NCKAP5: variants seen among roughly 807,000 people sequenced by gnomAD.
NCKAP5 encodes NCK associated protein 5.
A neutral mutation model predicts 167.0 loss-of-function variants in NCKAP5; 92 were observed. That is an observed-to-expected ratio of 0.55 (90% CI 0.47 to 0.66). The LOEUF is 0.66. Among genes scored for constraint, NCKAP5 ranks in the 30% least tolerant of loss-of-function variants. NCKAP5 has a pLI of 0.00. For missense variants in NCKAP5, 2,378 were observed against 2,315.0 expected, an observed-to-expected ratio of 1.03 and a Z score of -0.56; for synonymous variants, 891 against 877.4, an observed-to-expected ratio of 1.02 and a Z score of -0.27.
chr2:133,672,139 A>C, the NCKAP5 span, among the ~76,000 whole-genome samples: 2 of 152,310 alleles, frequency 1.3e-5, no homozygotes, highest in South Asian at 4.1e-4. Context: ...TTAAACAGAG[A>C]CCTAAAGGAA....
chr2:133,510,365 T>C (rs1003395267), intron 3 of NCKAP5, among the ~76,000 whole-genome samples: 33 of 148,942 alleles, frequency 2.2e-4, no homozygotes, highest in African/African-American at 7.5e-4. Flanking sequence ...AAACACAAAA[T>C]TGTATATATA....
At chr2:133,281,265 T>G (rs1035458026) in intron 4 of NCKAP5, among the ~76,000 whole-genome samples, 24 of 152,248 alleles carry the variant, frequency 1.6e-4, no homozygotes, top group Non-Finnish European at 8.8e-5. Context: ...ATAACTTTGT[T>G]TATAAAGACA....
At chr2:133,146,289 T>C (rs980013829) in intron 5 of NCKAP5, among the ~76,000 whole-genome samples, 2 of 151,622 alleles carry the variant, frequency 1.3e-5, no homozygotes, top group South Asian at 2.1e-4. Flanking sequence ...GGAAGCAACA[T>C]CTAGATAAAA....
At chr2:133,656,068 T>G in the NCKAP5 span, among the ~76,000 whole-genome samples, 1 of 152,092 alleles carries the variant, frequency 6.6e-6, no homozygotes, top group Non-Finnish European at 1.5e-5. Flanking sequence ...GTTATCTCCC[T>G]CTCCCTGTTC....
intron 3 of NCKAP5, among the ~76,000 whole-genome samples, chr2:133,513,506 G>T (rs1244698526): frequency 6.6e-6 from 1 of 152,234 alleles, no homozygotes; most frequent in East Asian, 1.9e-4. Context: ...AAAAAGAGTG[G>T]ATCTGGAGGG....
intron 6 of NCKAP5, among the ~76,000 whole-genome samples, chr2:133,101,983 A>G (rs1262573857): frequency 6.6e-6 from 1 of 152,206 alleles, no homozygotes; most frequent in Non-Finnish European, 1.5e-5. Flanking sequence ...AAAATTTGGG[A>G]GAAAAAAGGA....
chr2:133,292,094 G>T (rs774107993), intron 4 of NCKAP5, among the ~76,000 whole-genome samples: 8 of 152,094 alleles, frequency 5.3e-5, no homozygotes, highest in Non-Finnish European at 8.8e-5. Flanking sequence ...GATGGGGTTG[G>T]GGGACAGAGG....
intron 6 of NCKAP5, among the ~76,000 whole-genome samples, chr2:133,033,496 C>T (rs749779657): frequency 1.3e-5 from 2 of 152,124 alleles, no homozygotes; most frequent in Non-Finnish European, 2.9e-5. Flanking sequence ...GAAAGCATGA[C>T]CTCACCAAAT....
intron 11 of NCKAP5, among the ~76,000 whole-genome samples, chr2:132,827,890 C>T (rs1687242892): frequency 1.3e-5 from 2 of 152,106 alleles, no homozygotes; most frequent in Non-Finnish European, 1.5e-5. Context: ...TTTTTCAAAG[C>T]CCTTACAAGG....
the NCKAP5 span, among the ~76,000 whole-genome samples, chr2:133,647,031 A>C: frequency 2.6e-5 from 4 of 152,140 alleles, no homozygotes; most frequent in African/African-American, 9.7e-5. Context: ...AAAAAATTGT[A>C]ACAAAACACA....
chr2:133,467,393 G>A (rs1315344095), intron 3 of NCKAP5, among the ~76,000 whole-genome samples: 1 of 152,188 alleles, frequency 6.6e-6, no homozygotes, highest in Admixed American at 6.5e-5. Context: ...TTTTTGATGT[G>A]CAGCTGGATT....
intron 4 of NCKAP5, among the ~76,000 whole-genome samples, chr2:133,252,830 T>C (rs1296327905): frequency 6.6e-6 from 1 of 152,220 alleles, no homozygotes; most frequent in African/African-American, 2.4e-5. Context: ...CATGACTTAC[T>C]TGCAACTGGC....
intron 8 of NCKAP5, among the ~76,000 whole-genome samples, chr2:132,905,361 G>A (rs75473700): frequency 0.011 from 1,632 of 152,206 alleles, 34 homozygotes; most frequent in African/African-American, 0.036. Flanking sequence ...ATTACTGTAA[G>A]TTCACATCGT....
At chr2:133,672,156 A>G in the NCKAP5 span, among the ~76,000 whole-genome samples, 8 of 152,246 alleles carry the variant, frequency 5.3e-5, no homozygotes. Flanking sequence ...GGAAAGGAGG[A>G]GCTAAGAGAA....
chr2:132,791,030 G>A (rs1302721879), intron 12 of NCKAP5, among the ~76,000 whole-genome samples: 1 of 152,188 alleles, frequency 6.6e-6, no homozygotes, highest in South Asian at 2.1e-4. Context: ...TGTGAGTCTA[G>A]TGGTCTGGAT....
At chr2:133,138,885 C>A (rs899704848) in intron 5 of NCKAP5, among the ~76,000 whole-genome samples, 2 of 152,192 alleles carry the variant, frequency 1.3e-5, no homozygotes, top group Admixed American at 1.3e-4. Context: ...GGCCCTGCTG[C>A]TCCTACCCCC....
chr2:133,010,079 A>AT (rs34078018), intron 6 of NCKAP5, among the ~76,000 whole-genome samples: 55,725 of 150,812 alleles, frequency 0.37, 10,756 homozygotes, highest in Middle Eastern at 0.48. Flanking sequence ...TCAAAAAAAA[A>AT]AAATAAATAA....
intron 13 of NCKAP5, among the ~76,000 whole-genome samples, chr2:132,786,446 C>A (rs183306479): frequency 6.6e-6 from 1 of 152,308 alleles, no homozygotes; most frequent in Admixed American, 6.5e-5. Flanking sequence ...TACATATACA[C>A]ATACACACAT....
intron 5 of NCKAP5, among the ~76,000 whole-genome samples, chr2:133,137,440 G>GTGTGTA (rs1388301451): frequency 3.4e-5 from 5 of 148,964 alleles, no homozygotes; most frequent in African/African-American, 1.0e-4. Context: ...GTGTGTGTGT[G>GTGTGTA]TGTGTGTGTG....
Sources: gnomAD v4.1 joint callset for allele counts (sites outside exome capture counted in the v4.1 genomes callset) on GRCh38, gnomAD v4.1.1 for gene constraint, MANE v1.5 for transcripts, NCBI Gene and HGNC (gene_info 2026-07-23, HGNC 2026-07-21) for gene names.